The following TECTA variants were observed in gnomAD, a reference collection of about 807,000 sequenced individuals.
TECTA encodes the protein tectorin alpha.
TECTA carries 128 observed loss-of-function variants against 216.8 expected under a neutral mutation model. The ratio of observed to expected loss-of-function variants is 0.59; its 90% CI spans 0.51 to 0.68. TECTA has a LOEUF of 0.68. Ranked by LOEUF, TECTA falls within the 30% of genes least tolerant of loss-of-function variation. TECTA has a pLI of 0.00. For synonymous variants in TECTA, 1,089 were observed against 1,117.1 expected, an observed-to-expected ratio of 0.97 and a Z score of 0.50; for missense variants, 2,551 against 2,786.2, an observed-to-expected ratio of 0.92 and a Z score of 1.90.
At chr11:121,112,209 A>G (rs1247812397) in intron 4 of TECTA, among the ~76,000 whole-genome samples, 1 of 152,202 alleles carries the variant, frequency 6.6e-6, no homozygotes, top group African/African-American at 2.4e-5. Flanking sequence ...ATTTCTGAAA[A>G]CCATTTACAA....
chr11:121,189,525 C>A (rs1484514425), intron 22 of TECTA, among the ~76,000 whole-genome samples: 1 of 152,116 alleles, frequency 6.6e-6, no homozygotes, highest in Non-Finnish European at 1.5e-5. Context: ...AGGTGCCCGC[C>A]CCCACGCCCG....
chr11:121,119,341 G>T (rs1406686709), intron 7 of TECTA, among the ~76,000 whole-genome samples: 2 of 152,088 alleles, frequency 1.3e-5, no homozygotes, highest in African/African-American at 2.4e-5. Flanking sequence ...TGAAAGCTCT[G>T]CCCAGACACC....
At chr11:121,150,613 AC>A (rs1216655176) in intron 12 of TECTA, among the ~76,000 whole-genome samples, 1 of 151,964 alleles carries the variant, frequency 6.6e-6, no homozygotes, top group African/African-American at 2.4e-5. Flanking sequence ...ATTTTGTAAC[AC>A]ATATGACATA....
At chr11:121,101,658 T>A (rs1448159903) in intron 1 of TECTA, among the ~76,000 whole-genome samples, 1 of 152,210 alleles carries the variant, frequency 6.6e-6, no homozygotes, top group Non-Finnish European at 1.5e-5. Context: ...CAACTAAAGA[T>A]TTGCAATAAA....
At chr11:121,160,081 G>A (rs1946982387) in intron 14 of TECTA, 54 bp from the exon 15 acceptor site, 2 of 1,612,848 alleles carry the variant, frequency 1.2e-6, no homozygotes, top group Non-Finnish European at 1.7e-6. Flanking sequence ...TCCTGAACAA[G>A]TTTGCCAACA....
rs756698067 is a variant in TECTA at position 121,118,571 on chromosome 11, T to C, written c.1056T>C (p.Cys352=). The C allele has an allele frequency of 6.2e-7, 1 of 1,614,162 alleles. No individual in the cohort carries two copies. The highest frequency in any genetic ancestry group is 8.5e-7 in the Non-Finnish European group (1 of 1,180,030). The change falls in exon 7 of 24, where the codon TGT becomes TGC. Residue 352 remains cysteine (C), a synonymous_variant. Coordinates refer to ENST00000392793, the MANE Select transcript of TECTA (RefSeq NM_005422.4). ...GSCAYLLARQ[C]LQTSSLPFFS... is the part of the protein sequence containing the mutation. ...GTGCCTACTTGCTGGCCCGACAGTG[T>C]TTGCAGACTTCCAGCCTCCCTTTCT...
chr11:121,187,695 G>T, intron 20 of TECTA, 137 bp from the exon 21 acceptor site: 1 of 893,768 alleles, frequency 1.1e-6, no homozygotes, highest in Non-Finnish European at 1.8e-6. Context: ...GCAGTCCAGG[G>T]GTCACTTTCA....
chr11:121,145,694 C>G lies in TECTA; in HGVS notation c.3683C>G (p.Thr1228Arg), dbSNP rs1228907169. The change falls in exon 12 of 24, where the codon ACA (threonine) becomes AGA (arginine). Residue 1228 changes from threonine (T) to arginine (R), a missense_variant. By Grantham distance (71) the Thr-to-Arg change is moderately conservative. Around this residue, in one of 3 missense-constraint regions of TECTA, gnomAD observed 2,375 missense variants for 2,563.9 expected, o/e 0.93. Coordinates refer to ENST00000392793, the MANE Select transcript of TECTA (RefSeq NM_005422.4). ...VYDWKTFLSI[T>R]VPRSMQNSTY... is the part of the protein sequence containing the mutation. ...GACTGGAAGACCTTCCTGTCCATCA[C>G]AGTCCCTCGGAGCATGCAGAACAGC... 1 of 1,614,244 alleles carries G rather than the reference C, an allele frequency of 6.2e-7. No homozygotes were observed.
At chr11:121,161,557 CT>C (rs1348380184) in intron 15 of TECTA, among the ~76,000 whole-genome samples, 3 of 60,300 alleles carry the variant, frequency 5.0e-5, no homozygotes, top group Non-Finnish European at 7.6e-5. Context: ...CTTCCCTTCC[CT>C]TCCCTTCCCT....
chr11:121,107,721 G>T (rs531224495), intron 3 of TECTA, among the ~76,000 whole-genome samples: 2 of 152,174 alleles, frequency 1.3e-5, no homozygotes, highest in East Asian at 3.8e-4. Flanking sequence ...GCAGATTCAC[G>T]CAGAGGCTGA....
At position 121,121,300 on chromosome 11, in the gene TECTA, C is replaced by T. The variant is rs146786101; in HGVS notation, c.1203+2582C>T. Among the ~76,000 whole-genome samples the T allele has an allele frequency of 6.6e-5, 10 of 152,288 alleles. No individual in the cohort carries two copies. The East Asian group carries it at 9.6e-4, about 15-fold the overall frequency. On this transcript the variant is annotated intron_variant, in intron 7 of 23. Coordinates refer to ENST00000392793, the MANE Select transcript of TECTA (RefSeq NM_005422.4). ...CTTTCAGTTCCAAGACCTGTGCCTC[C>T]GTGACTCCACTTCTCTCCTCCTCCC...
At chr11:121,183,330 G>A (rs555654812) in intron 20 of TECTA, among the ~76,000 whole-genome samples, 2 of 152,200 alleles carry the variant, frequency 1.3e-5, no homozygotes, top group Admixed American at 6.5e-5. Context: ...GAGGGTGTGC[G>A]ATTCAGTGTG....
At chr11:121,190,565 C>A in intron 23 of TECTA, 141 bp from the exon 24 acceptor site, 1 of 678,150 alleles carries the variant, frequency 1.5e-6, no homozygotes, top group South Asian at 1.6e-5. Context: ...TGCTACTTTG[C>A]TGCCTTAGGG....
rs755658715 is a variant in TECTA, at chr11:121,137,464, A to G, written c.2985A>G (p.Thr995=). Residue 995 remains threonine (T), a synonymous_variant, in exon 11 of 24, where the codon ACA becomes ACG. Coordinates refer to ENST00000392793, the MANE Select transcript of TECTA (RefSeq NM_005422.4). Reference sequence around the variant, plus strand: ...ACAGCCACTTTGAGGAGTGCATCACATGTACAGAGACCTGTGAGACCCTTA... The same window carrying G: ...ACAGCCACTTTGAGGAGTGCATCACGTGTACAGAGACCTGTGAGACCCTTA... ...PENSHFEECI[T]CTETCETLTL... is the part of the protein sequence containing the mutation. The G allele has an allele frequency of 6.2e-6, 10 of 1,613,884 alleles. No individual in the cohort carries two copies. The Admixed American group carries it at 8.3e-5, about 13-fold the overall frequency.
intron 11 of TECTA, 123 bp downstream of exon 11, chr11:121,138,145 CAG>C: frequency 7.4e-7 from 1 of 1,343,480 alleles, no homozygotes; most frequent in African/African-American, 1.5e-5. Flanking sequence ...TATATTAAAG[CAG>C]AGAGAGGCCC....
chr11:121,103,776 T>C, intron 2 of TECTA, among the ~76,000 whole-genome samples: 1 of 152,202 alleles, frequency 6.6e-6, no homozygotes, highest in South Asian at 2.1e-4. Context: ...CCTACGCCCT[T>C]GTGTTTAGCA....
In TECTA at chr11:121,105,601, A is replaced by G. The variant is rs1946382912; in HGVS notation, c.65-230A>G. Among the ~76,000 whole-genome samples the G allele has an allele frequency of 6.6e-6, 1 of 152,264 alleles. No individual in the cohort carries two copies. Among genetic ancestry groups the G allele is most frequent in the African/African-American group, 2.4e-5 (1 of 41,474 alleles). On this transcript the variant is annotated intron_variant, in intron 2 of 23. Coordinates refer to ENST00000392793, the MANE Select transcript of TECTA (RefSeq NM_005422.4). The surrounding 1 kb of genome is among the most constrained non-coding windows in gnomAD (Gnocchi z 5.3). ...TGCATGAAAGTGCAAGAACATGCACAAAGTGCTTTCTCCTATGGAGAAACA... is the reference window on the plus strand; with the variant it reads ...TGCATGAAAGTGCAAGAACATGCACGAAGTGCTTTCTCCTATGGAGAAACA...
rs1172053238 is a variant in TECTA at position 121,127,310 on chromosome 11, CTCCTCTAAT to C, written c.1775-441_1775-433del. On this transcript the variant is annotated intron_variant, in intron 8 of 23. Transcript: ENST00000392793. The surrounding 1 kb of genome is among the most constrained non-coding windows in gnomAD (Gnocchi z 5.0). ...TTACAAATTTCACGTTTTCAAATTA[CTCCTCTAAT>C]GGTTACATTTTTCATTTCTCCTGAA... Among the ~76,000 whole-genome samples the C allele has an allele frequency of 6.6e-6, 1 of 152,176 alleles. No homozygotes were observed. The highest frequency in any genetic ancestry group is 1.5e-5 in the Non-Finnish European group (1 of 68,026).
At chr11:121,190,132 C>T in intron 23 of TECTA, 1 of 483,598 alleles carries the variant, frequency 2.1e-6, no homozygotes, top group Non-Finnish European at 3.8e-6. Flanking sequence ...ACAAGTTATC[C>T]AGCCAATTTT....
Sources: allele counts gnomAD v4.1 joint callset (sites outside exome capture counted in the v4.1 genomes callset), GRCh38; gene constraint gnomAD v4.1.1; regional missense constraint gnomAD v4.1.1; non-coding constraint Gnocchi (gnomAD v3.1); transcripts MANE v1.5; gene names NCBI Gene and HGNC (gene_info 2026-07-23, HGNC 2026-07-21).